Variants in ADAMTS16 observed in about 807,000 individuals in gnomAD.
ADAMTS16 encodes ADAM metallopeptidase with thrombospondin type 1 motif 16, also known as A disintegrin and metalloproteinase with thrombospondin motifs 16.
A neutral mutation model predicts 145.8 loss-of-function variants in ADAMTS16; 94 were observed. The ratio of observed to expected loss-of-function variants is 0.64; its 90% CI spans 0.55 to 0.77. ADAMTS16 has a LOEUF of 0.77. Ranked by LOEUF, ADAMTS16 falls within the 30% of genes least tolerant of loss-of-function variation. ADAMTS16 has a pLI of 0.00. For synonymous variants in ADAMTS16, 659 were observed against 604.3 expected (o/e 1.09, Z -1.33); for missense variants, 1,585 against 1,591.5 (o/e 1.00, Z 0.07).
chr5:5,206,209 G>A (rs1736105011), intron 9 of ADAMTS16, among the ~76,000 whole-genome samples: 1 of 150,578 alleles, frequency 6.6e-6, no homozygotes, highest in Non-Finnish European at 1.5e-5. Context: ...GGCGGATCAC[G>A]AGGTCAGGAG....
At chr5:5,164,007 T>C (rs1159826732) in intron 3 of ADAMTS16, among the ~76,000 whole-genome samples, 1 of 152,222 alleles carries the variant, frequency 6.6e-6, no homozygotes, top group East Asian at 1.9e-4. Context: ...ATGTCCTTTA[T>C]CACACCCCAC....
chr5:5,216,054 C>T (rs1032956932), intron 10 of ADAMTS16, among the ~76,000 whole-genome samples: 5 of 151,494 alleles, frequency 3.3e-5, no homozygotes, highest in African/African-American at 1.2e-4. Context: ...TGGGTAGATA[C>T]CCAGTAGTGG....
intron 8 of ADAMTS16, among the ~76,000 whole-genome samples, chr5:5,197,578 G>A (rs1325375600): frequency 6.6e-6 from 1 of 152,136 alleles, no homozygotes. Context: ...TTAGCAAATG[G>A]GATGATAACC....
At chr5:5,231,877 C>A (rs768023337) in intron 11 of ADAMTS16, among the ~76,000 whole-genome samples, 1 of 152,106 alleles carries the variant, frequency 6.6e-6, no homozygotes, top group Admixed American at 6.5e-5. Flanking sequence ...CCCAAGGCTC[C>A]GAGCCCAGGT....
At chr5:5,308,254 T>C (rs140620346) in intron 21 of ADAMTS16, among the ~76,000 whole-genome samples, 24 of 152,370 alleles carry the variant, frequency 1.6e-4, no homozygotes, top group Non-Finnish European at 2.1e-4. Context: ...GGTCTTTGCC[T>C]GTCTCCAAAG....
rs201288798 is a variant in ADAMTS16, at chr5:5,227,146, T to TC, written c.1701+4266dup. Among the ~76,000 whole-genome samples the TC allele has an allele frequency of 3.3e-3, 498 of 152,372 alleles. 10 individuals carry two copies. Among genetic ancestry groups the TC allele is most frequent in the Admixed American group, 0.023 (353 of 15,308 alleles). ...CCGGGCTCAGAGCACATGGGTGCCT[T>TC]CCCCAGGTCACGCAGCTCGCAGAGC... is the stretch of plus-strand genomic sequence containing the variant. On this transcript the variant is annotated intron_variant, in intron 11 of 22. Transcript: ENST00000274181.
chr5:5,247,228 G>C (rs1737474279), intron 17 of ADAMTS16, among the ~76,000 whole-genome samples: 1 of 152,176 alleles, frequency 6.6e-6, no homozygotes. Flanking sequence ...GGGTCCCAGA[G>C]TTCAACTTGA....
At chr5:5,165,583 G>C (rs1056498702) in intron 3 of ADAMTS16, among the ~76,000 whole-genome samples, 1 of 152,198 alleles carries the variant, frequency 6.6e-6, no homozygotes, top group African/African-American at 2.4e-5. Context: ...AAAGAGCATC[G>C]TTGTGAGAGA....
chr5:5,253,319 C>A (rs561400613), intron 17 of ADAMTS16, among the ~76,000 whole-genome samples: 119 of 152,332 alleles, frequency 7.8e-4, no homozygotes, highest in African/African-American at 2.8e-3. Context: ...TAAGGCGGGA[C>A]AACTCAGAGT....
chr5:5,183,949 C>T (rs1280713605), intron 4 of ADAMTS16, among the ~76,000 whole-genome samples: 2 of 152,210 alleles, frequency 1.3e-5, no homozygotes, highest in Non-Finnish European at 2.9e-5. Flanking sequence ...AAAGAAAGCT[C>T]AACAAACTGC....
In ADAMTS16 at chr5:5,303,766, G is replaced by C; in HGVS notation, c.3186G>C (p.Gln1062His). ...AGTGGCTGGTGTCCGCCTGGTCCCA[G>C]GTAGGTGCACTGGTCTCGCGGGAGC... ...KLQWLVSAWSQCSVTCERGTQ... is the reference protein window; with the variant it reads ...KLQWLVSAWSHCSVTCERGTQ... The change falls in exon 20 of 23, where the codon CAG becomes CAC. Residue 1062 changes from glutamine to histidine, a missense_variant and splice_region_variant. Gln to His is a conservative substitution (Grantham distance 24). This residue lies in a region of ADAMTS16 where 834 missense variants were observed against 811.7 expected (regional missense o/e 1.03). Coordinates refer to ENST00000274181, the MANE Select transcript of ADAMTS16 (RefSeq NM_139056.4). 1 of 1,612,636 alleles carries C rather than the reference G, an allele frequency of 6.2e-7. No homozygotes were observed. Among genetic ancestry groups the C allele is most frequent in the South Asian group, 1.1e-5 (1 of 91,002 alleles).
At chr5:5,163,113 G>A (rs1456586818) in intron 3 of ADAMTS16, among the ~76,000 whole-genome samples, 1 of 152,206 alleles carries the variant, frequency 6.6e-6, no homozygotes, top group Non-Finnish European at 1.5e-5. Flanking sequence ...AAATTGCTGA[G>A]AGAATAGGTA....
chr5:5,225,324 G>A (rs1006022943), intron 11 of ADAMTS16, among the ~76,000 whole-genome samples: 9 of 152,128 alleles, frequency 5.9e-5, no homozygotes, highest in South Asian at 2.1e-4. Flanking sequence ...GAAAGAGACC[G>A]GGCGCAGTGG....
At chr5:5,229,274 C>T (rs577247145) in intron 11 of ADAMTS16, among the ~76,000 whole-genome samples, 450 of 135,478 alleles carry the variant, frequency 3.3e-3, no homozygotes, top group African/African-American at 0.012. Flanking sequence ...GTCCGCAGTC[C>T]GGCCTGGGCG....
At chr5:5,221,618 A>T (rs1342593616) in intron 10 of ADAMTS16, among the ~76,000 whole-genome samples, 1 of 152,262 alleles carries the variant, frequency 6.6e-6, no homozygotes, top group Non-Finnish European at 1.5e-5. Flanking sequence ...TTCAAGCTCC[A>T]AAATCTGGTT....
chr5:5,201,147 T>TC (rs1560946352), intron 9 of ADAMTS16, among the ~76,000 whole-genome samples: 1 of 152,060 alleles, frequency 6.6e-6, no homozygotes, highest in Non-Finnish European at 1.5e-5. Flanking sequence ...AGGACCTAGT[T>TC]CCCCACTGCA....
chr5:5,244,055 G>T (rs1737370196), intron 17 of ADAMTS16, among the ~76,000 whole-genome samples: 1 of 152,176 alleles, frequency 6.6e-6, no homozygotes, highest in South Asian at 2.1e-4. Context: ...ATGGAGTACA[G>T]GATGTCTGTA....
chr5:5,292,073 G>A (rs1193970252), intron 18 of ADAMTS16, among the ~76,000 whole-genome samples: 1 of 152,162 alleles, frequency 6.6e-6, no homozygotes, highest in Non-Finnish European at 1.5e-5. Flanking sequence ...ATGGAAATGA[G>A]GCTCTGGTCA....
intron 17 of ADAMTS16, among the ~76,000 whole-genome samples, chr5:5,254,251 T>C (rs990392370): frequency 6.6e-6 from 1 of 152,164 alleles, no homozygotes; most frequent in Non-Finnish European, 1.5e-5. Flanking sequence ...ATCAGATCCA[T>C]CTTAACACCT....
Sources: gnomAD v4.1 joint callset for allele counts (sites outside exome capture counted in the v4.1 genomes callset) on GRCh38, gnomAD v4.1.1 for gene constraint, gnomAD v4.1.1 regional missense constraint, MANE v1.5 for transcripts, NCBI Gene and HGNC (gene_info 2026-07-23, HGNC 2026-07-21) for gene names.